Variants in DOCK8 observed in about 807,000 individuals in gnomAD.
DOCK8 encodes dedicator of cytokinesis 8.
A neutral mutation model predicts 245.6 loss-of-function variants in DOCK8; 141 were observed. That is an observed-to-expected ratio of 0.57 (90% CI 0.50 to 0.66). The LOEUF (loss-of-function observed/expected upper bound fraction) is 0.66, where lower values mean the gene tolerates loss of function less well. Among genes scored for constraint, DOCK8 ranks in the 30% least tolerant of loss-of-function variants. The probability of loss-of-function intolerance (pLI) is 0.00; values close to 1 mark genes in which losing one functional copy is unlikely to be tolerated. For synonymous variants in DOCK8, 1,168 were observed against 970.2 expected (o/e 1.20, Z -3.79); for missense variants, 2,965 against 2,603.4 (o/e 1.14, Z -3.02).
chr9:383,036 T>G (rs1586853946), intron 22 of DOCK8, among the ~76,000 whole-genome samples: 1 of 151,198 alleles, frequency 6.6e-6, no homozygotes, highest in East Asian at 2.0e-4. Context: ...TGCCTTTAAT[T>G]TAGTTTTGTT....
intron 39 of DOCK8, among the ~76,000 whole-genome samples, chr9:436,406 A>G (rs780851963): frequency 1.4e-4 from 21 of 152,246 alleles, no homozygotes; most frequent in Non-Finnish European, 2.8e-4. Flanking sequence ...TATTTTGACC[A>G]TGTGATACTA....
chr9:241,983 A>G (rs1290506103), intron 1 of DOCK8, among the ~76,000 whole-genome samples: 1 of 152,214 alleles, frequency 6.6e-6, no homozygotes, highest in Non-Finnish European at 1.5e-5. Context: ...CTGTTTCTCC[A>G]CAAAGAAGAG....
chr9:429,310 G>T (rs1020822708), intron 35 of DOCK8, among the ~76,000 whole-genome samples: 1 of 152,128 alleles, frequency 6.6e-6, no homozygotes, highest in South Asian at 2.1e-4. Flanking sequence ...CCTTCTACAT[G>T]GGGTCTTTTA....
intron 25 of DOCK8, 92 bp downstream of exon 25, chr9:397,026 A>G (rs2054494892): frequency 2.2e-6 from 3 of 1,346,154 alleles, no homozygotes; most frequent in South Asian, 2.4e-5. Context: ...ATTTTAAAAC[A>G]ATAATTAAAA....
At position 463,497 on chromosome 9, in the gene DOCK8, C is replaced by T. The variant is rs747243911; in HGVS notation, c.6069-20C>T. 1 of 1,613,936 alleles carries T rather than the reference C, an allele frequency of 6.2e-7. No individual in the cohort carries two copies. Among genetic ancestry groups the T allele is most frequent in the Non-Finnish European group, 8.5e-7 (1 of 1,179,816 alleles). On this transcript the variant is annotated intron_variant, in intron 46 of 47. Transcript: ENST00000432829. ...ACTTCAAAGTCATTTATTTCTCCCA[C>T]ACTGATATTTTCATCTCAGATGTGG... is the stretch of plus-strand genomic sequence containing the variant.
intron 2 of DOCK8, among the ~76,000 whole-genome samples, chr9:277,893 C>A (rs572949275): frequency 6.6e-6 from 1 of 152,170 alleles, no homozygotes; most frequent in Non-Finnish European, 1.5e-5. Flanking sequence ...GTATAGGCTT[C>A]TGTGCAATAA....
intron 9 of DOCK8, among the ~76,000 whole-genome samples, chr9:328,941 C>CTTTTTTTTTTTTTTTTTTTTTTTTTT (rs1165346763): frequency 2.8e-5 from 2 of 71,348 alleles, no homozygotes; most frequent in African/African-American, 1.1e-4. Context: ...CTTATTGATT[C>CTTTTTTTTTTTTTTTTTTTTTTTTTT]TTTTTTTTTT....
At chr9:340,433 C>T in intron 14 of DOCK8, 112 bp downstream of exon 14, 4 of 1,366,286 alleles carry the variant, frequency 2.9e-6, no homozygotes, top group Admixed American at 1.9e-5. Context: ...CCAGCCTTGG[C>T]AACATGGCAA....
At chr9:240,072 C>T (rs1013360242) in intron 1 of DOCK8, among the ~76,000 whole-genome samples, 1 of 152,182 alleles carries the variant, frequency 6.6e-6, no homozygotes, top group Non-Finnish European at 1.5e-5. Flanking sequence ...TTAAAGGTCT[C>T]CATTGATATG....
At chr9:310,480 C>T (rs113131113) in intron 5 of DOCK8, among the ~76,000 whole-genome samples, 1,718 of 152,222 alleles carry the variant, frequency 0.011, 35 homozygotes, top group African/African-American at 0.038. Context: ...TTTTTTGAGA[C>T]GGAGTCTCGC....
At chr9:463,799 G>T in intron 47 of DOCK8, 112 bp downstream of exon 47, 1 of 1,269,542 alleles carries the variant, frequency 7.9e-7, no homozygotes, top group Non-Finnish European at 1.1e-6. Context: ...CCTCGAAAGG[G>T]TGGAAGAGGG....
At chr9:442,947 G>A (rs1312959339) in intron 42 of DOCK8, among the ~76,000 whole-genome samples, 1 of 152,200 alleles carries the variant, frequency 6.6e-6, no homozygotes, top group African/African-American at 2.4e-5. Context: ...TGCCCAGGGT[G>A]GCTGGGTGAG....
intron 20 of DOCK8, among the ~76,000 whole-genome samples, chr9:378,136 A>G (rs2053593083): frequency 1.3e-5 from 2 of 152,236 alleles, no homozygotes; most frequent in African/African-American, 4.8e-5. Flanking sequence ...GCAGCACAGG[A>G]CAAGACTCCT....
chr9:228,070 GT>G (rs1448291920), intron 1 of DOCK8, among the ~76,000 whole-genome samples: 1 of 152,082 alleles, frequency 6.6e-6, no homozygotes, highest in Non-Finnish European at 1.5e-5. Flanking sequence ...TATAGAGGGA[GT>G]CCATGCAGAG....
intron 4 of DOCK8, among the ~76,000 whole-genome samples, chr9:295,538 C>A (rs1036159634): frequency 3.3e-5 from 5 of 152,114 alleles, no homozygotes; most frequent in African/African-American, 1.2e-4. Flanking sequence ...GGAATGAACA[C>A]AAAATTCTCT....
intron 1 of DOCK8, among the ~76,000 whole-genome samples, chr9:261,997 G>GAGAAAGAAAGAA (rs149792134): frequency 0.11 from 15,680 of 146,692 alleles, 863 homozygotes; most frequent in African/African-American, 0.14. Flanking sequence ...AAGAAAGAAG[G>GAGAAAGAAAGAA]AGAAAGAAAG....
At chr9:415,180 CATTCATTCATTT>C (rs2055934790) in intron 29 of DOCK8, among the ~76,000 whole-genome samples, 1 of 152,176 alleles carries the variant, frequency 6.6e-6, no homozygotes, top group African/African-American at 2.4e-5. Context: ...CTTGTTTCTT[CATTCATTCATTT>C]ATTCATTCAT....
At chr9:306,044 A>G (rs2049812629) in intron 5 of DOCK8, among the ~76,000 whole-genome samples, 1 of 152,188 alleles carries the variant, frequency 6.6e-6, no homozygotes, top group African/African-American at 2.4e-5. Flanking sequence ...AATGTGTTTA[A>G]CACTACTGAG....
intron 7 of DOCK8, among the ~76,000 whole-genome samples, chr9:322,760 G>C (rs4740710): frequency 0.12 from 18,392 of 152,154 alleles, 1,430 homozygotes; most frequent in Admixed American, 0.17. Context: ...AATATAGATT[G>C]AGCATGCCAG....
Sources: allele counts gnomAD v4.1 joint callset (sites outside exome capture counted in the v4.1 genomes callset), GRCh38; gene constraint gnomAD v4.1.1; transcripts MANE v1.5; gene names NCBI Gene and HGNC (gene_info 2026-07-23, HGNC 2026-07-21).